TMPRSS7: variants seen among roughly 807,000 people sequenced by gnomAD.
TMPRSS7 encodes the protein transmembrane serine protease 7.
A neutral mutation model predicts 95.6 loss-of-function variants in TMPRSS7; 81 were observed. That is an observed-to-expected ratio of 0.85 (90% CI 0.71 to 1.02). TMPRSS7 has a LOEUF of 1.02. TMPRSS7 is among the 50% of genes least tolerant of loss of function. The pLI is 0.00. For missense variants in TMPRSS7, 945 were observed against 955.2 expected, an observed-to-expected ratio of 0.99 and a Z score of 0.14; for synonymous variants, 364 against 337.8, an observed-to-expected ratio of 1.08 and a Z score of -0.85.
chr3:112,079,726 T>G (rs1483769858), intron 17 of TMPRSS7, among the ~76,000 whole-genome samples: 1 of 152,216 alleles, frequency 6.6e-6, no homozygotes, highest in Non-Finnish European at 1.5e-5. Context: ...AAACTCATCC[T>G]ATAATAATGA....
At chr3:112,065,273 C>T (rs6794018) in intron 12 of TMPRSS7, among the ~76,000 whole-genome samples, 3,863 of 152,210 alleles carry the variant, frequency 0.025, 163 homozygotes, top group African/African-American at 0.087. Context: ...AACTCCTGAC[C>T]TCAAGCCGTC....
chr3:112,047,762 T>C (rs1212547445), exon 7 of TMPRSS7: 13 of 1,613,882 alleles, frequency 8.1e-6, no homozygotes, highest in South Asian at 1.1e-5. Flanking sequence ...TCAGTACTTC[T>C]ATGCAGAGCA....
At chr3:112,041,152 T>C (rs926860358) in intron 2 of TMPRSS7, among the ~76,000 whole-genome samples, 2 of 151,518 alleles carry the variant, frequency 1.3e-5, no homozygotes, top group Admixed American at 6.6e-5. Flanking sequence ...ACAACTGTTG[T>C]TTTATATGGT....
chr3:112,065,064 A>T (rs1230336230), intron 12 of TMPRSS7, among the ~76,000 whole-genome samples: 1 of 152,206 alleles, frequency 6.6e-6, no homozygotes, highest in Non-Finnish European at 1.5e-5. Context: ...TTTTAGAGAC[A>T]AGGTATTGCT....
chr3:112,043,237 C>T (rs924546928), intron 3 of TMPRSS7, among the ~76,000 whole-genome samples: 1 of 152,098 alleles, frequency 6.6e-6, no homozygotes, highest in Non-Finnish European at 1.5e-5. Flanking sequence ...CAAACCTGGA[C>T]GGCATGTTAC....
chr3:112,076,657 C>T (rs914921956), intron 15 of TMPRSS7, among the ~76,000 whole-genome samples: 2 of 152,190 alleles, frequency 1.3e-5, no homozygotes, highest in Non-Finnish European at 2.9e-5. Flanking sequence ...TTACTTGCCA[C>T]TCCTAATACA....
intron 17 of TMPRSS7, among the ~76,000 whole-genome samples, chr3:112,079,356 T>G: frequency 6.6e-6 from 1 of 152,178 alleles, no homozygotes; most frequent in Non-Finnish European, 1.5e-5. Context: ...GTGACATTTC[T>G]CGGAGCCTGA....
At chr3:112,060,063 T>C (rs2073480674) in intron 10 of TMPRSS7, among the ~76,000 whole-genome samples, 1 of 152,092 alleles carries the variant, frequency 6.6e-6, no homozygotes, top group Non-Finnish European at 1.5e-5. Context: ...GGGGGAGACA[T>C]CACATGTTGG....
intron 1 of TMPRSS7, 112 bp from the exon 2 acceptor site, chr3:112,037,960 C>G (rs1027978844): frequency 1.6e-6 from 1 of 613,272 alleles, no homozygotes; most frequent in South Asian, 2.0e-5. Context: ...AATATGAATG[C>G]TTAAATAGTC....
intron 15 of TMPRSS7, 93 bp downstream of exon 15, chr3:112,075,585 G>T: frequency 1.8e-6 from 2 of 1,134,180 alleles, no homozygotes; most frequent in African/African-American, 1.6e-5. Context: ...CCCTGTTGGG[G>T]ACATTCAATC....
intron 13 of TMPRSS7, 141 bp from the exon 14 acceptor site, chr3:112,074,155 C>T (rs2073685580): frequency 8.4e-6 from 5 of 595,546 alleles, no homozygotes; most frequent in Non-Finnish European, 1.5e-5. Flanking sequence ...TCTCTTCTCT[C>T]TGCCATTTAT....
rs550419755 is a variant in TMPRSS7, at chr3:112,048,056, A to T, written c.959+89A>T. ...CTGTGTTCCCCCTGGATTTTTTTTT[A>T]AAAACAGTTTTTGTGTGCACACATG... On this transcript the variant is annotated intron_variant, in intron 7 of 17. Transcript: ENST00000452346. The T allele has an allele frequency of 3.6e-4, 466 of 1,296,414 alleles. 3 individuals are homozygous for T. In the East Asian group the frequency reaches 5.5e-3, roughly 15 times the overall value. The allele number at this position is 1,296,414 out of a possible 1,614,324, so 80.3% of individuals were successfully genotyped here.
chr3:112,056,929 G>A (rs968669874), intron 9 of TMPRSS7, 96 bp from the exon 10 acceptor site: 25 of 779,580 alleles, frequency 3.2e-5, no homozygotes, highest in African/African-American at 1.6e-4. Flanking sequence ...GCCACAGGGC[G>A]CAAGTAGAAT....
chr3:112,075,642 A>ATT, intron 15 of TMPRSS7, 150 bp downstream of exon 15: 1 of 609,848 alleles, frequency 1.6e-6, no homozygotes, highest in South Asian at 7.2e-5. Context: ...TGTGACAAAC[A>ATT]TTTTTTTTTA....
At chr3:112,058,383 A>G (rs1483350892) in intron 10 of TMPRSS7, among the ~76,000 whole-genome samples, 1 of 152,220 alleles carries the variant, frequency 6.6e-6, no homozygotes, top group Non-Finnish European at 1.5e-5. Flanking sequence ...TTCCAGCTCT[A>G]TCGTTTAGTA....
At chr3:112,072,247 A>G (rs58899626) in intron 13 of TMPRSS7, among the ~76,000 whole-genome samples, 3,877 of 152,322 alleles carry the variant, frequency 0.025, 158 homozygotes, top group African/African-American at 0.087. Context: ...GGTCTACTCC[A>G]GATGCTGTTT....
chr3:112,047,930 G>A (rs367735856), exon 7 of TMPRSS7: 37 of 1,613,862 alleles, frequency 2.3e-5, no homozygotes, highest in Middle Eastern at 3.3e-4. Context: ...GACCATTTAC[G>A]ACTCCCTTTT....
At position 112,080,866 on chromosome 3, in the gene TMPRSS7, T is replaced by C. The variant is rs375554881; in HGVS notation, c.2362-48T>C. On this transcript the variant is annotated intron_variant, in intron 17 of 17. Transcript: ENST00000452346. ...TTAGATACAATAAAGATGAAACTGA[T>C]GATCATGGGACCAATTTACTTTATA... The C allele has an allele frequency of 7.9e-5, 123 of 1,548,156 alleles. 1 individual carries two copies. Among genetic ancestry groups the C allele is most frequent in the Non-Finnish European group, 1.0e-4 (120 of 1,144,500 alleles).
At chr3:112,057,463 A>G (rs199790176) in intron 10 of TMPRSS7, among the ~76,000 whole-genome samples, 3 of 152,208 alleles carry the variant, frequency 2.0e-5, no homozygotes, top group East Asian at 3.8e-4. Flanking sequence ...GCTGAAAAAA[A>G]ATGTTAGAGA....
Sources: gnomAD v4.1 joint callset for allele counts (sites outside exome capture counted in the v4.1 genomes callset) on GRCh38, gnomAD v4.1.1 for gene constraint, MANE v1.5 for transcripts, NCBI Gene and HGNC (gene_info 2026-07-23, HGNC 2026-07-21) for gene names.